SRGAP2: variants seen among roughly 807,000 people sequenced by gnomAD.
The protein encoded by SRGAP2 is SLIT-ROBO Rho GTPase-activating protein 2.
A neutral mutation model predicts 57.2 loss-of-function variants in SRGAP2; 15 were observed. That is an observed-to-expected ratio of 0.26 (90% confidence interval 0.18 to 0.40). SRGAP2 has a LOEUF of 0.40. SRGAP2 is among the 10% of genes least tolerant of loss of function. SRGAP2 has a pLI of 1.00. For synonymous variants in SRGAP2, 249 were observed against 248.0 expected (o/e 1.00, Z -0.04); for missense variants, 520 against 669.6 (o/e 0.78, Z 2.47).
intron 2 of SRGAP2, among the ~76,000 whole-genome samples, chr1:206,243,763 T>A: frequency 6.6e-6 from 1 of 152,066 alleles, no homozygotes; most frequent in Middle Eastern, 3.4e-3. Flanking sequence ...GCTCCTCTCA[T>A]TCTGAGTGGG....
chr1:206,230,252 C>T (rs1488143437), intron 2 of SRGAP2, among the ~76,000 whole-genome samples: 15 of 148,234 alleles, frequency 1.0e-4, no homozygotes, highest in East Asian at 2.0e-4. Flanking sequence ...TCCTTTAGAT[C>T]GATGCTGAAG....
At chr1:206,439,250 T>C (rs782402796) in intron 16 of SRGAP2, among the ~76,000 whole-genome samples, 2 of 152,158 alleles carry the variant, frequency 1.3e-5, no homozygotes, top group Admixed American at 6.5e-5. Flanking sequence ...AGGCTGCCTA[T>C]GATGGAGGAC....
At chr1:206,298,909 G>A (rs1483317059) in intron 2 of SRGAP2, among the ~76,000 whole-genome samples, 5 of 152,024 alleles carry the variant, frequency 3.3e-5, no homozygotes, top group African/African-American at 1.2e-4. Flanking sequence ...GAAACAATAA[G>A]ACTTTTTGTG....
At chr1:206,445,254 C>G (rs1662655889) in intron 17 of SRGAP2, among the ~76,000 whole-genome samples, 1 of 152,196 alleles carries the variant, frequency 6.6e-6, no homozygotes, top group Admixed American at 6.5e-5. Context: ...TGGGACTCAT[C>G]AGGTGCAGTG....
intron 7 of SRGAP2, among the ~76,000 whole-genome samples, chr1:206,394,478 A>C (rs1657373185): frequency 6.6e-6 from 1 of 152,106 alleles, no homozygotes; most frequent in African/African-American, 2.4e-5. Context: ...CTCAGTGTTA[A>C]CTCATTTGAC....
rs1553381831 is a variant in SRGAP2, at chr1:206,463,656, A to G, written c.*2236A>G. ...TCAGTGTCCATCCGCGCTAATTTGCATCATGAACTGAACAGTGTGTGAGTG... is the reference window on the plus strand; with the variant it reads ...TCAGTGTCCATCCGCGCTAATTTGCGTCATGAACTGAACAGTGTGTGAGTG... On this transcript the variant is annotated 3_prime_UTR_variant, in exon 23 of 23. Coordinates refer to ENST00000573034, the MANE Select transcript of SRGAP2 (RefSeq NM_015326.5). The G allele has an allele frequency of 6.6e-6, 1 of 152,634 alleles. No homozygotes were observed. The highest frequency in any genetic ancestry group is 1.9e-4 in the East Asian group (1 of 5,196). The allele number at this position is 152,634 out of a possible 1,614,324, so 9.5% of individuals were successfully genotyped here.
intron 2 of SRGAP2, among the ~76,000 whole-genome samples, chr1:206,241,222 A>G (rs1367263878): frequency 6.6e-6 from 1 of 152,240 alleles, no homozygotes; most frequent in Admixed American, 6.5e-5. Flanking sequence ...AAAACAAAAG[A>G]AATGGGTTTG....
rs1324957753 is a variant in SRGAP2 at position 206,335,873 on chromosome 1, C to T, written c.261-6973C>T. Reference sequence around the variant, plus strand: ...GGTGGTTGAAAGGAAGGCAGAATCTCTCACTTAACATAAATTGATGGAGAC... The same window carrying T: ...GGTGGTTGAAAGGAAGGCAGAATCTTTCACTTAACATAAATTGATGGAGAC... On this transcript the variant is annotated intron_variant, in intron 3 of 22. Coordinates refer to ENST00000573034, the MANE Select transcript of SRGAP2 (RefSeq NM_015326.5). 1.6e-4 allele frequency among the ~76,000 whole-genome samples: 25 copies of T among 151,760 alleles called. No individual in the cohort carries two copies. In the South Asian group the frequency reaches 5.2e-3, roughly 32 times the overall value.
chr1:206,262,822 T>C (rs1669644076), intron 2 of SRGAP2, among the ~76,000 whole-genome samples: 1 of 133,602 alleles, frequency 7.5e-6, no homozygotes, highest in African/African-American at 2.8e-5. Flanking sequence ...TGTATTACTT[T>C]GGTAAAAAAA....
chr1:206,438,742 A>G (rs1558434082), intron 16 of SRGAP2, among the ~76,000 whole-genome samples: 1 of 152,240 alleles, frequency 6.6e-6, no homozygotes, highest in East Asian at 1.9e-4. Flanking sequence ...ACTTGGATTA[A>G]TACAGGTCAG....
chr1:206,333,401 A>G lies in SRGAP2; in HGVS notation c.261-9445A>G, dbSNP rs550115412. The G allele has an allele frequency of 8.0e-6, 11 of 1,374,590 alleles. No homozygotes were observed. The Admixed American group carries it at 1.7e-4, about 21-fold the overall frequency. 85.1% of individuals were successfully genotyped at this position (1,374,590 alleles called of 1,614,324 possible). ...ATCCTCAGTCTTGTCAACAGCTGTT[A>G]TCTTCAGCTTCTTCAAGGTATCACT... On this transcript the variant is annotated intron_variant, in intron 3 of 22. Coordinates refer to ENST00000573034, the MANE Select transcript of SRGAP2 (RefSeq NM_015326.5).
intron 13 of SRGAP2, among the ~76,000 whole-genome samples, chr1:206,423,575 G>A (rs1397611445): frequency 6.6e-6 from 1 of 152,066 alleles, no homozygotes; most frequent in Non-Finnish European, 1.5e-5. Flanking sequence ...CACAGTCTCT[G>A]AGGCCCCAAA....
At chr1:206,448,768 A>G (rs765571495) in intron 18 of SRGAP2, among the ~76,000 whole-genome samples, 1 of 152,108 alleles carries the variant, frequency 6.6e-6, no homozygotes, top group Admixed American at 6.6e-5. Context: ...CACCATCTCA[A>G]AGGTTTCCAG....
chr1:206,216,415 C>T (rs1211955742), intron 2 of SRGAP2, among the ~76,000 whole-genome samples: 1 of 151,814 alleles, frequency 6.6e-6, no homozygotes, highest in Non-Finnish European at 1.5e-5. Flanking sequence ...CCATTTTAAT[C>T]AGGCACTAAA....
chr1:206,443,785 C>A (rs1662515616), intron 17 of SRGAP2, among the ~76,000 whole-genome samples: 1 of 151,574 alleles, frequency 6.6e-6, no homozygotes, highest in Non-Finnish European at 1.5e-5. Flanking sequence ...ACATTTTACA[C>A]AAAACTGTGT....
chr1:206,370,042 G>GA (rs1336357965), intron 4 of SRGAP2, among the ~76,000 whole-genome samples: 2 of 151,092 alleles, frequency 1.3e-5, no homozygotes, highest in Admixed American at 1.3e-4. Context: ...GAGGTGGGCA[G>GA]ATCACGAGGT....
intron 2 of SRGAP2, among the ~76,000 whole-genome samples, chr1:206,275,476 AGT>A (rs1379262960): frequency 9.5e-6 from 1 of 105,820 alleles, no homozygotes; most frequent in African/African-American, 4.0e-5. Context: ...AGTCATCTGT[AGT>A]GTGGTGACCA....
intron 3 of SRGAP2, among the ~76,000 whole-genome samples, chr1:206,306,296 T>C (rs1341512814): frequency 6.6e-6 from 1 of 151,880 alleles, no homozygotes; most frequent in African/African-American, 2.4e-5. Flanking sequence ...TTCCTTCTGG[T>C]GGGTTCGTGG....
chr1:206,460,909 A>C (rs1358278876), intron 22 of SRGAP2, 128 bp from the exon 23 acceptor site: 3 of 524,316 alleles, frequency 5.7e-6, no homozygotes, highest in African/African-American at 5.7e-5. Flanking sequence ...TCAAAGATTT[A>C]GGCCAAGTAC....
Sources: allele counts gnomAD v4.1 joint callset (sites outside exome capture counted in the v4.1 genomes callset), GRCh38; gene constraint gnomAD v4.1.1; transcripts MANE v1.5; gene names NCBI Gene and HGNC (gene_info 2026-07-23, HGNC 2026-07-21).